Variants in MAST4 observed in about 807,000 individuals in gnomAD.
The protein encoded by MAST4 is microtubule associated serine/threonine kinase family member 4.
Under a neutral mutation model 162.7 loss-of-function variants are expected in MAST4, and 89 were observed. The observed-to-expected ratio is 0.55, with a 90% CI of 0.46 to 0.65. The LOEUF (loss-of-function observed/expected upper bound fraction) is 0.65. MAST4 is among the 30% of genes least tolerant of loss of function. The pLI, the probability that MAST4 is intolerant of heterozygous loss-of-function variation, is 0.00. For synonymous variants in MAST4, 1,479 were observed against 1,361.1 expected (o/e 1.09, Z -1.91); for missense variants, 3,153 against 3,374.0 (o/e 0.93, Z 1.62).
At chr5:66,912,375 G>A in intron 4 of MAST4, among the ~76,000 whole-genome samples, 1 of 152,284 alleles carries the variant, frequency 6.6e-6, no homozygotes, top group Middle Eastern at 3.4e-3. Context: ...AACAAATCAA[G>A]AATCAATTAT....
chr5:67,163,390 T>G lies in MAST4; in HGVS notation c.4211T>G (p.Leu1404Arg), dbSNP rs1282966464. ...RSPSPLLGHSLGNSKIAQAFP... is the reference protein window; with the variant it reads ...RSPSPLLGHSRGNSKIAQAFP... ...CCATCCCCTCTTCTGGGACACTCAC[T>G]GGGCAATTCCAAGATCGCGCAAGCC... is the stretch of plus-strand genomic sequence containing the variant. Residue 1404 changes from leucine to arginine, a missense_variant, in exon 29 of 29, where the codon CTG (leucine) becomes CGG (arginine). Physicochemically the swap from Leu to Arg is moderately radical, Grantham distance 102. This residue lies in a region of MAST4 where 619 missense variants were observed against 744.2 expected (regional missense o/e 0.83). Transcript: ENST00000403625. This position sits in a 1 kb window ranked among gnomAD's most constrained non-coding sequence, Gnocchi z 7.0. 6.2e-7 allele frequency: 1 copy of G among 1,612,558 alleles called. No individual in the cohort carries two copies.
At chr5:66,907,587 C>CATGTGT (rs1285513539) in intron 4 of MAST4, among the ~76,000 whole-genome samples, 21 of 144,238 alleles carry the variant, frequency 1.5e-4, no homozygotes, top group Non-Finnish European at 2.6e-4. Context: ...TAGGTTGATG[C>CATGTGT]GTGTGTGTGT....
chr5:66,857,171 T>C (rs1442211968), intron 3 of MAST4, among the ~76,000 whole-genome samples: 1 of 152,204 alleles, frequency 6.6e-6, no homozygotes. Context: ...GTTTTGGAAC[T>C]TTTTTTCCCC....
chr5:66,948,428 CAT>C (rs1272026089), intron 4 of MAST4, among the ~76,000 whole-genome samples: 1 of 152,146 alleles, frequency 6.6e-6, no homozygotes, highest in Non-Finnish European at 1.5e-5. Flanking sequence ...ATTATCCAAA[CAT>C]GTGCTCTTAT....
chr5:66,734,554 T>A (rs1453937857), intron 1 of MAST4, among the ~76,000 whole-genome samples: 1 of 152,206 alleles, frequency 6.6e-6, no homozygotes, highest in Non-Finnish European at 1.5e-5. Context: ...TACTTTCTGT[T>A]CAAGACTAAG....
intron 2 of MAST4, among the ~76,000 whole-genome samples, chr5:66,760,079 A>G (rs1467812688): frequency 7.4e-6 from 1 of 136,048 alleles, no homozygotes; most frequent in Non-Finnish European, 1.6e-5. Context: ...AATATCCCCT[A>G]TTTATTTATT....
At chr5:67,021,150 G>T (rs1433488763) in intron 4 of MAST4, among the ~76,000 whole-genome samples, 1 of 152,084 alleles carries the variant, frequency 6.6e-6, no homozygotes, top group African/African-American at 2.4e-5. Flanking sequence ...GCCTTCTCTG[G>T]TAACCCTTCT....
intron 4 of MAST4, among the ~76,000 whole-genome samples, chr5:66,921,521 C>T (rs1010839218): frequency 6.6e-6 from 1 of 152,142 alleles, no homozygotes; most frequent in African/African-American, 2.4e-5. Context: ...CTTTGGAAGG[C>T]CGAGTCAGGC....
intron 2 of MAST4, among the ~76,000 whole-genome samples, chr5:66,769,007 A>G (rs1754240504): frequency 6.6e-6 from 1 of 152,028 alleles, no homozygotes; most frequent in Non-Finnish European, 1.5e-5. Flanking sequence ...TTGAGAAGAG[A>G]AGGAGATATG....
chr5:67,060,436 A>G (rs1759418534), intron 5 of MAST4, among the ~76,000 whole-genome samples: 1 of 151,314 alleles, frequency 6.6e-6, no homozygotes, highest in South Asian at 2.1e-4. Context: ...GGGTAAGCAG[A>G]TATTCCAGTG....
At chr5:67,074,710 T>A (rs924159632) in intron 5 of MAST4, among the ~76,000 whole-genome samples, 7 of 152,236 alleles carry the variant, frequency 4.6e-5, no homozygotes, top group African/African-American at 9.6e-5. Context: ...TGGTTTATGA[T>A]CTAATTTGAA....
intron 4 of MAST4, among the ~76,000 whole-genome samples, chr5:67,016,511 G>A (rs1309394431): frequency 6.6e-6 from 1 of 152,188 alleles, no homozygotes; most frequent in Non-Finnish European, 1.5e-5. Flanking sequence ...AAATGCTGCT[G>A]CTGTCTGAGG....
intron 1 of MAST4, among the ~76,000 whole-genome samples, chr5:66,735,556 A>G (rs1752106199): frequency 6.6e-6 from 1 of 152,052 alleles, no homozygotes. Flanking sequence ...TAAATCTTGT[A>G]TTTTTTTCTC....
chr5:67,048,987 GTATATATATATATACACACACA>G (rs1757716358), intron 4 of MAST4, among the ~76,000 whole-genome samples: 4 of 102,402 alleles, frequency 3.9e-5, no homozygotes, highest in African/African-American at 1.5e-4. Context: ...ATATATATAT[GTATATATATATATACACACACA>G]TATATATATA....
intron 4 of MAST4, among the ~76,000 whole-genome samples, chr5:67,023,136 G>A (rs1269572021): frequency 6.6e-6 from 1 of 152,112 alleles, no homozygotes; most frequent in Non-Finnish European, 1.5e-5. Context: ...ATATGAATAG[G>A]AAGGTTCAGC....
At chr5:66,958,185 T>A (rs992837037) in intron 4 of MAST4, among the ~76,000 whole-genome samples, 1 of 152,132 alleles carries the variant, frequency 6.6e-6, no homozygotes, top group Non-Finnish European at 1.5e-5. Context: ...GAGAAAGAGA[T>A]GCCTTGTAGT....
intron 4 of MAST4, among the ~76,000 whole-genome samples, chr5:67,049,008 C>CATATATATATATACGTAT (rs1374431580): frequency 2.9e-5 from 3 of 104,524 alleles, no homozygotes; most frequent in Non-Finnish European, 5.8e-5. Flanking sequence ...TATACACACA[C>CATATATATATATACGTAT]ATATATATAT....
intron 26 of MAST4, among the ~76,000 whole-genome samples, chr5:67,157,942 A>G (rs986307163): frequency 3.3e-5 from 5 of 152,228 alleles, no homozygotes; most frequent in African/African-American, 1.2e-4. Context: ...CCTGAATTGT[A>G]TTAGAAAAGA....
chr5:66,890,044 T>TA (rs1345332243), intron 3 of MAST4, among the ~76,000 whole-genome samples: 1 of 152,230 alleles, frequency 6.6e-6, no homozygotes, highest in Non-Finnish European at 1.5e-5. Flanking sequence ...TTCTTTTTTT[T>TA]ATGAAGGACT....
Sources: gnomAD v4.1 joint callset for allele counts (sites outside exome capture counted in the v4.1 genomes callset) on GRCh38, gnomAD v4.1.1 for gene constraint, gnomAD v4.1.1 regional missense constraint, Gnocchi (gnomAD v3.1) non-coding constraint, MANE v1.5 for transcripts, NCBI Gene and HGNC (gene_info 2026-07-23, HGNC 2026-07-21) for gene names.